Variants in CIROZ observed in about 807,000 individuals in gnomAD.
CIROZ encodes the protein ciliated left-right organizer ZP-N domains-containing protein.
chr1:10,969,888 A>G, the CIROZ span: 2 of 1,439,696 alleles, frequency 1.4e-6, no homozygotes, highest in Non-Finnish European at 1.8e-6. Context: ...TGCAAGAGCC[A>G]TGGGGGAGGA....
At chr1:10,951,429 GGC>G in the CIROZ span, among the ~76,000 whole-genome samples, 1 of 151,804 alleles carries the variant, frequency 6.6e-6, no homozygotes, top group Non-Finnish European at 1.5e-5. Context: ...CAGGCATGGT[GGC>G]GGGCACTTGT....
At chr1:10,963,337 C>T in the CIROZ span, among the ~76,000 whole-genome samples, 1 of 151,936 alleles carries the variant, frequency 6.6e-6, no homozygotes, top group Non-Finnish European at 1.5e-5. Context: ...TGCAGAGAGC[C>T]GAGATTGCAC....
At chr1:10,957,052 G>T in the CIROZ span, 8 of 1,550,898 alleles carry the variant, frequency 5.2e-6, no homozygotes, top group Admixed American at 1.4e-4. Context: ...TAAAGAATAG[G>T]CATGGTGACC....
the CIROZ span, chr1:10,948,069 C>T: frequency 1.2e-6 from 2 of 1,613,398 alleles, no homozygotes; most frequent in Non-Finnish European, 1.7e-6. Flanking sequence ...CCTGGGCATC[C>T]CGGTGAGTTC....
At chr1:10,958,748 G>A in the CIROZ span, 2 of 1,613,962 alleles carry the variant, frequency 1.2e-6, no homozygotes, top group East Asian at 2.2e-5. Flanking sequence ...CAGGGGCCGG[G>A]AGACCTGCAG....
At chr1:10,963,700 G>A in the CIROZ span, among the ~76,000 whole-genome samples, 6 of 151,822 alleles carry the variant, frequency 4.0e-5, no homozygotes, top group South Asian at 2.1e-4. Context: ...GCACCTGATC[G>A]TACCTGGGGT....
At chr1:10,951,745 A>AATATATATATATAT in the CIROZ span, among the ~76,000 whole-genome samples, 1 of 119,198 alleles carries the variant, frequency 8.4e-6, no homozygotes, top group African/African-American at 3.6e-5. Context: ...AAAAAAAAAA[A>AATATATATATATAT]ATATATATAT....
chr1:10,980,431 A>G, the CIROZ span, among the ~76,000 whole-genome samples: 15 of 152,266 alleles, frequency 9.9e-5, no homozygotes, highest in African/African-American at 1.4e-4. Context: ...ACTGAGCCCA[A>G]TGCGGAATTC....
At chr1:10,976,087 G>T in the CIROZ span, 1 of 1,328,946 alleles carries the variant, frequency 7.5e-7, no homozygotes, top group Non-Finnish European at 1.0e-6. Flanking sequence ...CCAGCAGGTT[G>T]GTTCTCAGTC....
chr1:10,972,405 A>T, the CIROZ span, among the ~76,000 whole-genome samples: 1 of 141,894 alleles, frequency 7.0e-6, no homozygotes, highest in Non-Finnish European at 1.5e-5. Context: ...ACCTAGCAAG[A>T]CCCTGTCTCT....
chr1:10,963,941 C>A, the CIROZ span, among the ~76,000 whole-genome samples: 9 of 152,206 alleles, frequency 5.9e-5, no homozygotes, highest in African/African-American at 1.9e-4. Context: ...GAACCCAACC[C>A]AGCAGAGACC....
chr1:10,964,550 G>C, the CIROZ span, among the ~76,000 whole-genome samples: 4 of 152,220 alleles, frequency 2.6e-5, no homozygotes, highest in Non-Finnish European at 5.9e-5. Context: ...ATAAGAGCTT[G>C]CGTCCTAATG....
At chr1:10,975,407 G>GAAAA in the CIROZ span, among the ~76,000 whole-genome samples, 7 of 78,820 alleles carry the variant, frequency 8.9e-5, no homozygotes, top group African/African-American at 1.8e-4. Flanking sequence ...CTCTGTCTCA[G>GAAAA]AAAAAAAAAA....
chr1:10,975,802 C>T, the CIROZ span, among the ~76,000 whole-genome samples: 1 of 152,042 alleles, frequency 6.6e-6, no homozygotes, highest in Non-Finnish European at 1.5e-5. Flanking sequence ...CTCTGGACTT[C>T]GCGTCATCAT....
At chr1:10,955,480 A>G in the CIROZ span, among the ~76,000 whole-genome samples, 1 of 152,202 alleles carries the variant, frequency 6.6e-6, no homozygotes, top group East Asian at 1.9e-4. Flanking sequence ...AAATGTCTCT[A>G]CTGAGACCGT....
At chr1:10,978,478 G>C in the CIROZ span, among the ~76,000 whole-genome samples, 14 of 151,540 alleles carry the variant, frequency 9.2e-5, no homozygotes, top group Admixed American at 9.2e-4. Context: ...GGAGACTGAG[G>C]CAGGAGGATC....
At chr1:10,958,340 A>G in the CIROZ span, among the ~76,000 whole-genome samples, 2 of 152,240 alleles carry the variant, frequency 1.3e-5, no homozygotes, top group South Asian at 2.1e-4. Flanking sequence ...CAGCAGAAGG[A>G]AAATTCGGGA....
chr1:10,951,745 A>AAAAATATATATATATATAT, the CIROZ span, among the ~76,000 whole-genome samples: 2 of 119,204 alleles, frequency 1.7e-5, no homozygotes, highest in African/African-American at 7.1e-5. Context: ...AAAAAAAAAA[A>AAAAATATATATATATATAT]ATATATATAT....
At chr1:10,961,020 C>T in the CIROZ span, among the ~76,000 whole-genome samples, 1 of 152,168 alleles carries the variant, frequency 6.6e-6, no homozygotes, top group African/African-American at 2.4e-5. Flanking sequence ...CCACCTGCTC[C>T]CACACCTCGG....
Sources: gnomAD v4.1 joint callset for allele counts (sites outside exome capture counted in the v4.1 genomes callset) on GRCh38, gnomAD v4.1.1 for gene constraint, MANE v1.5 for transcripts, NCBI Gene and HGNC (gene_info 2026-07-23, HGNC 2026-07-21) for gene names.